AK5: variants seen among roughly 807,000 people sequenced by gnomAD.
AK5 encodes adenylate kinase isoenzyme 5.
Under a neutral mutation model 69.5 loss-of-function variants are expected in AK5, and 27 were observed. The ratio of observed to expected loss-of-function variants is 0.39; its 90% CI spans 0.29 to 0.54. The LOEUF is 0.54. AK5 is among the 20% of genes least tolerant of loss of function. The pLI is 0.71. For synonymous variants in AK5, 260 were observed against 244.4 expected (o/e 1.06, Z -0.60); for missense variants, 531 against 700.4 (o/e 0.76, Z 2.73).
At chr1:77,498,294 G>T (rs916124405) in intron 10 of AK5, among the ~76,000 whole-genome samples, 43 of 152,330 alleles carry the variant, frequency 2.8e-4, no homozygotes, top group Non-Finnish European at 5.6e-4. Flanking sequence ...AAGCCAGACG[G>T]TTACGGGTGA....
intron 10 of AK5, among the ~76,000 whole-genome samples, chr1:77,500,396 G>GT (rs1656640355): frequency 6.6e-6 from 1 of 151,698 alleles, no homozygotes. Flanking sequence ...ACAGATAACA[G>GT]TTATATTGAT....
chr1:77,500,305 C>T (rs758962322), intron 10 of AK5, among the ~76,000 whole-genome samples: 9 of 152,138 alleles, frequency 5.9e-5, no homozygotes, highest in Non-Finnish European at 1.2e-4. Context: ...AGTAAAGTAG[C>T]ACACGGTTTC....
At chr1:77,532,869 C>T (rs758355055) in intron 12 of AK5, among the ~76,000 whole-genome samples, 7 of 152,134 alleles carry the variant, frequency 4.6e-5, no homozygotes, top group African/African-American at 1.2e-4. Context: ...GTTCTCTGCT[C>T]GTCTGCTTAC....
At chr1:77,530,955 T>A (rs1268723581) in intron 12 of AK5, among the ~76,000 whole-genome samples, 4 of 152,114 alleles carry the variant, frequency 2.6e-5, no homozygotes, top group Non-Finnish European at 4.4e-5. Flanking sequence ...TCCACAATGC[T>A]CATGTCCTTG....
intron 5 of AK5, 137 bp from the exon 6 acceptor site, chr1:77,340,240 C>T: frequency 1.3e-6 from 1 of 790,434 alleles, no homozygotes; most frequent in South Asian, 2.1e-5. Flanking sequence ...AGCAGCAGCC[C>T]TGGAAATACA....
At chr1:77,527,347 G>GT (rs1557655280) in intron 12 of AK5, among the ~76,000 whole-genome samples, 1 of 152,112 alleles carries the variant, frequency 6.6e-6, no homozygotes, top group Non-Finnish European at 1.5e-5. Flanking sequence ...GTCCTCTGGC[G>GT]TAAGTATGAA....
At chr1:77,553,655 A>G (rs1018180936) in intron 13 of AK5, among the ~76,000 whole-genome samples, 1 of 152,208 alleles carries the variant, frequency 6.6e-6, no homozygotes, top group Non-Finnish European at 1.5e-5. Context: ...TCCTCATGGA[A>G]CTTCTTGGGG....
chr1:77,525,344 G>A (rs4949805), intron 12 of AK5, among the ~76,000 whole-genome samples: 86,434 of 151,698 alleles, frequency 0.57, 26,701 homozygotes, highest in Non-Finnish European at 0.7. Flanking sequence ...TAGTCCGTTC[G>A]CATTGCTATG....
chr1:77,466,328 A>G (rs1469664234), intron 8 of AK5, among the ~76,000 whole-genome samples: 1 of 152,088 alleles, frequency 6.6e-6, no homozygotes, highest in Non-Finnish European at 1.5e-5. Context: ...TGTTTTAATC[A>G]TCCTAGAACT....
intron 13 of AK5, among the ~76,000 whole-genome samples, chr1:77,555,054 G>T (rs1557671733): frequency 2.0e-5 from 3 of 152,118 alleles, no homozygotes; most frequent in African/African-American, 7.2e-5. Context: ...GCTGAGGTAG[G>T]CAGATTACTT....
intron 6 of AK5, among the ~76,000 whole-genome samples, chr1:77,387,762 T>C (rs969572123): frequency 7.9e-5 from 12 of 152,232 alleles, no homozygotes; most frequent in African/African-American, 2.4e-4. Flanking sequence ...ACAAGCCTCT[T>C]GCATCTTGCT....
intron 12 of AK5, among the ~76,000 whole-genome samples, chr1:77,531,759 G>C (rs558925926): frequency 1.1e-3 from 170 of 149,636 alleles, no homozygotes; most frequent in African/African-American, 3.9e-3. Context: ...CGCGCCCTGC[G>C]CCCGCACTCC....
intron 6 of AK5, among the ~76,000 whole-genome samples, chr1:77,351,350 G>A (rs1444739121): frequency 1.3e-5 from 2 of 152,100 alleles, no homozygotes; most frequent in Non-Finnish European, 2.9e-5. Context: ...AGCCATGATT[G>A]CAGCACTGCA....
At chr1:77,343,051 A>G (rs1661737300) in intron 6 of AK5, among the ~76,000 whole-genome samples, 1 of 152,192 alleles carries the variant, frequency 6.6e-6, no homozygotes, top group Non-Finnish European at 1.5e-5. Flanking sequence ...CAGAGCTTGC[A>G]GTGTGTGGAG....
chr1:77,320,672 C>T (rs1472203482), intron 5 of AK5, among the ~76,000 whole-genome samples: 1 of 152,106 alleles, frequency 6.6e-6, no homozygotes, highest in East Asian at 1.9e-4. Context: ...TTGCTTGAAT[C>T]CGAGAAGCAG....
chr1:77,296,182 A>G (rs1658991578), intron 3 of AK5, among the ~76,000 whole-genome samples: 1 of 152,192 alleles, frequency 6.6e-6, no homozygotes, highest in Non-Finnish European at 1.5e-5. Flanking sequence ...TGTGAGAGTG[A>G]GGTATAGATG....
chr1:77,362,309 T>C (rs1038501537), intron 6 of AK5, among the ~76,000 whole-genome samples: 1 of 152,212 alleles, frequency 6.6e-6, no homozygotes, highest in Non-Finnish European at 1.5e-5. Flanking sequence ...GATTTTTCTC[T>C]TACGTGGTTT....
At chr1:77,492,420 A>G (rs2647496) in intron 10 of AK5, among the ~76,000 whole-genome samples, 35,590 of 152,136 alleles carry the variant, frequency 0.23, 4,626 homozygotes, top group African/African-American at 0.34. Flanking sequence ...AAATGCTAAT[A>G]ACCTCTTAGT....
intron 6 of AK5, among the ~76,000 whole-genome samples, chr1:77,353,819 G>A (rs1475575329): frequency 1.3e-5 from 2 of 152,162 alleles, no homozygotes; most frequent in African/African-American, 4.8e-5. Context: ...CTGGCAGGTG[G>A]GACACAGGCA....
Sources: gnomAD v4.1 joint callset for allele counts (sites outside exome capture counted in the v4.1 genomes callset) on GRCh38, gnomAD v4.1.1 for gene constraint, MANE v1.5 for transcripts, NCBI Gene and HGNC (gene_info 2026-07-23, HGNC 2026-07-21) for gene names.